The following EIF2D variants were observed in gnomAD, a reference collection of about 807,000 sequenced individuals.
The protein encoded by EIF2D is eukaryotic translation initiation factor 2D.
EIF2D carries 56 observed loss-of-function variants against 77.4 expected under a neutral mutation model. That is an observed-to-expected ratio of 0.72 (90% CI 0.58 to 0.90). The LOEUF (loss-of-function observed/expected upper bound fraction) is 0.90. Among genes scored for constraint, EIF2D ranks in the 40% least tolerant of loss-of-function variants. EIF2D has a pLI of 0.00. For synonymous variants in EIF2D, 230 were observed against 271.0 expected (o/e 0.85, Z 1.49); for missense variants, 574 against 706.5 (o/e 0.81, Z 2.13).
intron 1 of EIF2D, among the ~76,000 whole-genome samples, chr1:206,612,082 A>G (rs564060579): frequency 2.0e-4 from 30 of 152,298 alleles, no homozygotes; most frequent in Admixed American, 1.8e-3. Context: ...TAAACTCACT[A>G]GACTATCCAA....
At chr1:206,602,632 A>C in intron 6 of EIF2D, 179 bp from the exon 7 acceptor site, 1 of 643,416 alleles carries the variant, frequency 1.6e-6, no homozygotes, top group Non-Finnish European at 2.7e-6. Context: ...TTGACCCCAG[A>C]GAAGGAGTCA....
intron 5 of EIF2D, chr1:206,604,991 T>G (rs1670124635): frequency 6.5e-6 from 1 of 153,796 alleles, no homozygotes; most frequent in African/African-American, 2.4e-5. Context: ...ATAAAAGTAA[T>G]CAGGTTATAA....
At chr1:206,595,900 C>G in intron 12 of EIF2D, 62 bp from the exon 13 acceptor site, 1 of 1,591,310 alleles carries the variant, frequency 6.3e-7, no homozygotes. Flanking sequence ...CCTCATACCC[C>G]ACTACCAGCA....
chr1:206,593,493 G>T (rs546660724), intron 14 of EIF2D, 126 bp downstream of exon 14: 10 of 511,152 alleles, frequency 2.0e-5, no homozygotes, highest in Middle Eastern at 5.6e-4. Flanking sequence ...GAGAGCGAGA[G>T]AGAGAGAGAG....
chr1:206,603,896 A>T (rs1553411990), intron 5 of EIF2D, among the ~76,000 whole-genome samples: 1 of 152,246 alleles, frequency 6.6e-6, no homozygotes, highest in African/African-American at 2.4e-5. Flanking sequence ...TGTTGTTCAC[A>T]GTAAAGCCAA....
At position 206,584,810 on chromosome 1, in the gene EIF2D, C is replaced by G; in HGVS notation, c.139-3648G>C. On this transcript the variant is annotated intron_variant and NMD_transcript_variant, in intron 2 of 5. Coordinates refer to the EIF2D transcript ENST00000472709. This position sits in a 1 kb window ranked among gnomAD's most constrained non-coding sequence, Gnocchi z 4.9. ...CTCCTGAGCACCAGGGGTCCAGCTG[C>G]CCATGTGGTGTTCAGATCTGTGGAA... 2 of 988,806 alleles carry G rather than the reference C, an allele frequency of 2.0e-6. No homozygotes were observed. The highest frequency in any genetic ancestry group is 3.0e-6 in the Non-Finnish European group (2 of 661,594). The allele number at this position is 988,806 out of a possible 1,614,324, so 61.3% of individuals were successfully genotyped here. A position where few individuals can be genotyped will look rare whatever the true frequency, so the allele number is the denominator to read the frequency against.
chr1:206,611,960 G>A (rs1432448104), intron 1 of EIF2D, among the ~76,000 whole-genome samples: 6 of 152,096 alleles, frequency 3.9e-5, no homozygotes, highest in African/African-American at 1.4e-4. Flanking sequence ...CTCTCCCAAG[G>A]GGCATTAAGC....
intron 3 of EIF2D, 47 bp from the exon 4 acceptor site, chr1:206,608,373 A>G: frequency 6.7e-7 from 1 of 1,499,560 alleles, no homozygotes; most frequent in Non-Finnish European, 9.2e-7. Context: ...CCTCCATCTC[A>G]CTCTGCGTTT....
intron 2 of EIF2D, among the ~76,000 whole-genome samples, chr1:206,581,509 G>A (rs560524791): frequency 6.6e-6 from 1 of 152,276 alleles, no homozygotes; most frequent in South Asian, 2.1e-4. Flanking sequence ...TGAGGCAGGA[G>A]AATTGCTTGA....
chr1:206,574,312 C>G (rs893806782), intron 4 of EIF2D, among the ~76,000 whole-genome samples: 1 of 152,224 alleles, frequency 6.6e-6, no homozygotes, highest in African/African-American at 2.4e-5. Flanking sequence ...ACAGCGCATC[C>G]ATCTCTGTCT....
Position 206,602,321 on chromosome 1 carries a change from C to T in EIF2D, c.902+15G>A, listed in dbSNP as rs1203270107. On this transcript the variant is annotated intron_variant, in intron 7 of 14. Transcript: ENST00000271764. ...CCCGGCCCCGGCCTCCAGCCCACATCAGTGCTTTCCATACCAGCAGGAGAA... is the reference window on the plus strand; with the variant it reads ...CCCGGCCCCGGCCTCCAGCCCACATTAGTGCTTTCCATACCAGCAGGAGAA... 3 of 1,610,396 alleles carry T rather than the reference C, an allele frequency of 1.9e-6. No homozygotes were observed. In the African/African-American group the frequency reaches 4.0e-5, roughly 22 times the overall value.
chr1:206,604,297 GC>G (rs1353869200), intron 5 of EIF2D, among the ~76,000 whole-genome samples: 2 of 151,944 alleles, frequency 1.3e-5, no homozygotes, highest in Non-Finnish European at 2.9e-5. Context: ...AAAAAAATTA[GC>G]CGGATGTTTT....
Position 206,584,324 on chromosome 1 carries a change from G to A in EIF2D, c.139-3162C>T. 2.0e-6 allele frequency: 3 copies of A among 1,507,560 alleles called. No individual in the cohort carries two copies. The highest frequency in any genetic ancestry group is 1.8e-6 in the Non-Finnish European group (2 of 1,114,810). The allele number at this position is 1,507,560 out of a possible 1,614,324, so 93.4% of individuals were successfully genotyped here. A position where few individuals can be genotyped will look rare whatever the true frequency, so the allele number is the denominator to read the frequency against. On this transcript the variant is annotated intron_variant and NMD_transcript_variant, in intron 2 of 5. Transcript: ENST00000472709. The surrounding 1 kb of genome is among the most constrained non-coding windows in gnomAD (Gnocchi z 4.9). ...GGTGCTGCTGGGGCAATGGCCCCGA[G>A]TGGCAGATATGATCATGCAAGGCGG...
At chr1:206,610,323 A>G (rs755772209) in intron 2 of EIF2D, among the ~76,000 whole-genome samples, 30 of 152,182 alleles carry the variant, frequency 2.0e-4, no homozygotes, top group Non-Finnish European at 4.0e-4. Context: ...GTTCAAGACC[A>G]GCCCGAGCAA....
chr1:206,604,922 C>G (rs1670118140), intron 5 of EIF2D: 1 of 152,224 alleles, frequency 6.6e-6, no homozygotes, highest in African/African-American at 2.4e-5. Flanking sequence ...GCAACCTTTA[C>G]AGTCAGAATG....
At chr1:206,609,879 T>C (rs781834963) in intron 2 of EIF2D, among the ~76,000 whole-genome samples, 9 of 152,146 alleles carry the variant, frequency 5.9e-5, no homozygotes, top group East Asian at 5.8e-4. Flanking sequence ...TCAAAAAGCA[T>C]TGTGGTTGTC....
Position 206,600,297 on chromosome 1 carries a change from C to T in EIF2D, c.914G>A (p.Arg305Gln), listed in dbSNP as rs145436621. ...SHMFSCCPEG[R>Q]QLDIKKSSYK... is the part of the protein sequence containing the mutation. ...GCTTGACTTCTTTATGTCCAGTTGT[C>T]GTCCTTCGGGGCTGATGGCAGATGG... Residue 305 changes from arginine (R) to glutamine (Q), a missense_variant, in exon 8 of 15, where the codon CGA becomes CAA. Coordinates refer to ENST00000271764, the MANE Select transcript of EIF2D (RefSeq NM_006893.3). 11 of 1,613,998 alleles carry T rather than the reference C, an allele frequency of 6.8e-6. No individual in the cohort carries two copies. Among genetic ancestry groups the T allele is most frequent in the Admixed American group, 5.0e-5 (3 of 60,008 alleles).
Position 206,599,095 on chromosome 1 carries a change from AG to A in EIF2D, c.1203-4del, listed in dbSNP as rs1553410750. 1 of 1,613,958 alleles carries A rather than the reference AG, an allele frequency of 6.2e-7. No homozygotes were observed. Among genetic ancestry groups the A allele is most frequent in the Non-Finnish European group, 8.5e-7 (1 of 1,179,928 alleles). Reference sequence around the variant, plus strand: ...TGCCCTCCAGAAAGCTCCCCTTCCTAGGTGAGGAGAAGTGACCCAGGGGTTA... The same window carrying A: ...TGCCCTCCAGAAAGCTCCCCTTCCTAGTGAGGAGAAGTGACCCAGGGGTTA... On this transcript the variant is annotated splice_polypyrimidine_tract_variant and splice_region_variant and intron_variant, in intron 10 of 14. Coordinates refer to ENST00000271764, the MANE Select transcript of EIF2D (RefSeq NM_006893.3). The surrounding 1 kb of genome is among the most constrained non-coding windows in gnomAD (Gnocchi z 4.1).
Position 206,600,289 on chromosome 1 carries a change from C to T in EIF2D, c.922G>A (p.Asp308Asn). ...FSCCPEGRQL[D>N]IKKSSYKKLS... ...TTTTTGTAGCTTGACTTCTTTATGT[C>T]CAGTTGTCGTCCTTCGGGGCTGATG... The change falls in exon 8 of 15, where the codon GAC becomes AAC. Residue 308 changes from aspartate to asparagine, a missense_variant. By Grantham distance (23) the Asp-to-Asn change is conservative. Coordinates refer to ENST00000271764, the MANE Select transcript of EIF2D (RefSeq NM_006893.3). 4 of 1,613,968 alleles carry T rather than the reference C, an allele frequency of 2.5e-6. No homozygotes were observed. The highest frequency in any genetic ancestry group is 2.5e-6 in the Non-Finnish European group (3 of 1,179,924).
Sources: gnomAD v4.1 joint callset for allele counts (sites outside exome capture counted in the v4.1 genomes callset) on GRCh38, gnomAD v4.1.1 for gene constraint, Gnocchi (gnomAD v3.1) non-coding constraint, MANE v1.5 for transcripts, NCBI Gene and HGNC (gene_info 2026-07-23, HGNC 2026-07-21) for gene names.